Variants in BBS9 observed in about 807,000 individuals in gnomAD.
BBS9 encodes the protein Bardet-Biedl syndrome 9.
A neutral mutation model predicts 117.7 loss-of-function variants in BBS9; 89 were observed. That is an observed-to-expected ratio of 0.76 (90% CI 0.64 to 0.90). The LOEUF (loss-of-function observed/expected upper bound fraction) is 0.90, where lower values mean the gene tolerates loss of function less well. Ranked by LOEUF, BBS9 falls within the 40% of genes least tolerant of loss-of-function variation. The probability of loss-of-function intolerance (pLI) is 0.00; values close to 1 mark genes in which losing one functional copy is unlikely to be tolerated. For synonymous variants in BBS9, 379 were observed against 370.9 expected (o/e 1.02, Z -0.25); for missense variants, 982 against 1,042.2 (o/e 0.94, Z 0.80).
At chr7:33,467,657 C>T (rs1563215595) in intron 19 of BBS9, among the ~76,000 whole-genome samples, 1 of 150,756 alleles carries the variant, frequency 6.6e-6, no homozygotes, top group African/African-American at 2.5e-5. Flanking sequence ...ACAAATTGCA[C>T]ATAACATTAG....
chr7:33,215,480 A>T (rs1369795508), intron 5 of BBS9, among the ~76,000 whole-genome samples: 1 of 152,232 alleles, frequency 6.6e-6, no homozygotes, highest in African/African-American at 2.4e-5. Context: ...CTTGCAATAT[A>T]TGATATTCAA....
intron 19 of BBS9, among the ~76,000 whole-genome samples, chr7:33,459,299 T>G (rs957888168): frequency 3.9e-5 from 6 of 151,960 alleles, no homozygotes; most frequent in African/African-American, 1.4e-4. Flanking sequence ...GGGAGTGGGA[T>G]GATCGAGACT....
chr7:33,435,759 C>T (rs550588806), intron 19 of BBS9, among the ~76,000 whole-genome samples: 9 of 151,872 alleles, frequency 5.9e-5, no homozygotes, highest in Admixed American at 5.2e-4. Context: ...ATATATTTTC[C>T]GTAAAGGCCA....
In BBS9 at chr7:33,505,482, C is replaced by G; in HGVS notation, c.2135C>G (p.Ala712Gly). 1 of 1,614,140 alleles carries G rather than the reference C, an allele frequency of 6.2e-7. No individual in the cohort carries two copies. The highest frequency in any genetic ancestry group is 8.5e-7 in the Non-Finnish European group (1 of 1,179,976). Residue 712 changes from alanine to glycine, a missense_variant, in exon 20 of 23, where the codon GCA (alanine) becomes GGA (glycine). Ala to Gly is a moderately conservative substitution (Grantham distance 60). Coordinates refer to ENST00000242067, the MANE Select transcript of BBS9 (RefSeq NM_198428.3). ...TYKQVIALAD[A>G]VEENQGNLFQ... The stretch of plus-strand genomic sequence containing the variant: ...CTGCAGGTAATTGCTCTAGCAGATG[C>G]AGTGGAGGAAAACCAAGGCAATCTG...
At chr7:33,287,311 A>T (rs1215231310) in intron 9 of BBS9, among the ~76,000 whole-genome samples, 1 of 152,202 alleles carries the variant, frequency 6.6e-6, no homozygotes, top group East Asian at 1.9e-4. Flanking sequence ...TTAACACATC[A>T]GGTTTAACAT....
chr7:33,524,959 C>T (rs1203346655), intron 20 of BBS9, among the ~76,000 whole-genome samples: 2 of 152,190 alleles, frequency 1.3e-5, no homozygotes, highest in Non-Finnish European at 2.9e-5. Context: ...TCTTTGTTCT[C>T]ATTGGTTTCA....
intron 5 of BBS9, among the ~76,000 whole-genome samples, chr7:33,198,536 A>C (rs1315983354): frequency 6.6e-6 from 1 of 152,038 alleles, no homozygotes; most frequent in South Asian, 2.1e-4. Flanking sequence ...CAAGGAAAGA[A>C]AAAAGACTTT....
intron 18 of BBS9, among the ~76,000 whole-genome samples, chr7:33,387,554 G>T (rs1168284878): frequency 1.3e-5 from 2 of 152,058 alleles, no homozygotes; most frequent in Non-Finnish European, 2.9e-5. Flanking sequence ...GTGTTTGTTT[G>T]TGGGTGTGGC....
chr7:33,589,869 A>G (rs1035522459), intron 21 of BBS9, among the ~76,000 whole-genome samples: 3 of 152,130 alleles, frequency 2.0e-5, no homozygotes, highest in African/African-American at 7.2e-5. Flanking sequence ...AAGACTGGAT[A>G]AAGTCACCAA....
At chr7:33,581,481 A>G (rs991818400) in intron 21 of BBS9, among the ~76,000 whole-genome samples, 1 of 152,110 alleles carries the variant, frequency 6.6e-6, no homozygotes, top group Non-Finnish European at 1.5e-5. Context: ...ATAGACATCA[A>G]ATAAAGAAGC....
At chr7:33,540,743 G>A (rs1032081848) in intron 21 of BBS9, among the ~76,000 whole-genome samples, 3 of 152,166 alleles carry the variant, frequency 2.0e-5, no homozygotes, top group East Asian at 1.9e-4. Flanking sequence ...TTTATGGAGC[G>A]TGTTTGTATT....
chr7:33,286,444 G>A (rs1045997158), intron 9 of BBS9, among the ~76,000 whole-genome samples: 2 of 152,102 alleles, frequency 1.3e-5, no homozygotes, highest in Non-Finnish European at 2.9e-5. Context: ...TATCAGGTTA[G>A]TGACTTTGCC....
At chr7:33,382,406 A>T (rs1305796918) in intron 17 of BBS9, among the ~76,000 whole-genome samples, 1 of 151,438 alleles carries the variant, frequency 6.6e-6, no homozygotes, top group Admixed American at 6.6e-5. Flanking sequence ...GTTACAGTGA[A>T]CTGAGATCAT....
At chr7:33,410,810 A>T (rs1830983281) in intron 19 of BBS9, among the ~76,000 whole-genome samples, 1 of 152,110 alleles carries the variant, frequency 6.6e-6, no homozygotes, top group Non-Finnish European at 1.5e-5. Context: ...GTTGAGGTTT[A>T]TCCCAACATA....
At chr7:33,318,400 C>G (rs1810984472) in intron 9 of BBS9, among the ~76,000 whole-genome samples, 1 of 152,030 alleles carries the variant, frequency 6.6e-6, no homozygotes, top group Non-Finnish European at 1.5e-5. Flanking sequence ...TCCCAAGTCT[C>G]TCTTCTTTGT....
At chr7:33,527,463 T>A (rs1036462297) in intron 20 of BBS9, among the ~76,000 whole-genome samples, 3 of 152,210 alleles carry the variant, frequency 2.0e-5, no homozygotes, top group Non-Finnish European at 4.4e-5. Flanking sequence ...CGCCGTTTTT[T>A]AAGCGGGTCT....
At chr7:33,634,325 G>A (rs1012533068) in intron 21 of BBS9, among the ~76,000 whole-genome samples, 3 of 152,228 alleles carry the variant, frequency 2.0e-5, no homozygotes, top group African/African-American at 7.2e-5. Flanking sequence ...GGTGCATGGA[G>A]CTTGTTTGGA....
chr7:33,247,241 T>C (rs990365117), intron 5 of BBS9, among the ~76,000 whole-genome samples: 3 of 152,112 alleles, frequency 2.0e-5, no homozygotes, highest in Non-Finnish European at 2.9e-5. Flanking sequence ...GAATGCTTGC[T>C]AGGTACTAGG....
intron 14 of BBS9, among the ~76,000 whole-genome samples, chr7:33,352,546 T>A (rs1818856923): frequency 6.6e-6 from 1 of 152,224 alleles, no homozygotes; most frequent in Admixed American, 6.5e-5. Flanking sequence ...TTATTGAGTC[T>A]TTTTTGCTGT....
Sources: gnomAD v4.1 joint callset for allele counts (sites outside exome capture counted in the v4.1 genomes callset) on GRCh38, gnomAD v4.1.1 for gene constraint, MANE v1.5 for transcripts, NCBI Gene and HGNC (gene_info 2026-07-23, HGNC 2026-07-21) for gene names.